CFAP77: variants seen among roughly 807,000 people sequenced by gnomAD.
The protein encoded by CFAP77 is cilia and flagella associated protein 77.
In CFAP77, 25 loss-of-function variants were observed where a neutral mutation model predicts 31.1. The observed-to-expected ratio is 0.80, with a 90% CI of 0.59 to 1.12. The LOEUF is 1.12. Among genes scored for constraint, CFAP77 ranks in the 50% most tolerant of loss-of-function variants. CFAP77 has a pLI of 0.00. For missense variants in CFAP77, 377 were observed against 397.3 expected (o/e 0.95, Z 0.44); for synonymous variants, 151 against 159.9 (o/e 0.94, Z 0.42).
At chr9:132,460,944 T>C (rs916538056) in intron 1 of CFAP77, among the ~76,000 whole-genome samples, 3 of 152,130 alleles carry the variant, frequency 2.0e-5, no homozygotes, top group Non-Finnish European at 4.4e-5. Flanking sequence ...CAGGCTGGCC[T>C]CAAACTCCTG....
intron 3 of CFAP77, among the ~76,000 whole-genome samples, chr9:132,500,033 G>A (rs1388225909): frequency 1.3e-5 from 2 of 151,900 alleles, no homozygotes; most frequent in Non-Finnish European, 2.9e-5. Context: ...CGTGCTTATA[G>A]TACCAGTTAC....
chr9:132,482,489 C>T (rs530950334), intron 1 of CFAP77: 18 of 1,166,964 alleles, frequency 1.5e-5, no homozygotes, highest in East Asian at 7.1e-5. Context: ...TCCCGGCTTC[C>T]GCACACCTAC....
At chr9:132,415,971 A>C (rs535154410) in intron 1 of CFAP77, among the ~76,000 whole-genome samples, 2 of 152,344 alleles carry the variant, frequency 1.3e-5, no homozygotes, top group East Asian at 3.9e-4. Flanking sequence ...GAGACCACCA[A>C]CATGTTAGCT....
At chr9:132,449,959 C>T (rs1197831896) in intron 1 of CFAP77, among the ~76,000 whole-genome samples, 1 of 152,140 alleles carries the variant, frequency 6.6e-6, no homozygotes, top group Non-Finnish European at 1.5e-5. Context: ...GTCGCCCAGG[C>T]TGGAGTGCAG....
chr9:132,431,605 G>A (rs575835572), intron 1 of CFAP77, among the ~76,000 whole-genome samples: 11 of 152,094 alleles, frequency 7.2e-5, no homozygotes, highest in Non-Finnish European at 1.6e-4. Context: ...TAATGAGCCC[G>A]ACAGCAGAAT....
At chr9:132,434,622 A>G (rs1324213732) in intron 1 of CFAP77, among the ~76,000 whole-genome samples, 1 of 152,190 alleles carries the variant, frequency 6.6e-6, no homozygotes, top group Non-Finnish European at 1.5e-5. Flanking sequence ...CTATGAATCT[A>G]CAATTTGGTT....
chr9:132,499,450 G>A lies in CFAP77; in HGVS notation c.374G>A (p.Arg125His), dbSNP rs750770954. ...ELTRNYIAMN[R>H]GAVKAGLVTA... The stretch of plus-strand genomic sequence containing the variant: ...ACCCGGAATTATATCGCAATGAACC[G>A]CGGGGCGGTGAAAGCCGGCCTGGTG... Residue 125 changes from arginine (R) to histidine (H), a missense_variant, in exon 3 of 6, where the codon CGC becomes CAC. Coordinates refer to ENST00000393216, the MANE Select transcript of CFAP77 (RefSeq NM_001282957.2). This position sits in a 1 kb window ranked among gnomAD's most constrained non-coding sequence, Gnocchi z 5.4. 2.5e-5 allele frequency: 40 copies of A among 1,614,064 alleles called. No individual in the cohort carries two copies. The highest frequency in any genetic ancestry group is 1.6e-4 in the Middle Eastern group (1 of 6,084).
At chr9:132,493,204 G>T (rs1410261641) in intron 1 of CFAP77, among the ~76,000 whole-genome samples, 1 of 152,130 alleles carries the variant, frequency 6.6e-6, no homozygotes, top group Non-Finnish European at 1.5e-5. Flanking sequence ...GGATGATGGG[G>T]CTTTTCTGAG....
In CFAP77 at chr9:132,521,774, T is replaced by TG. The variant is rs1281912935; in HGVS notation, c.525-15827_525-15826insG. 1.3e-3 allele frequency among the ~76,000 whole-genome samples: 156 copies of TG among 124,254 alleles called. 3 individuals carry two copies. Among genetic ancestry groups the TG allele is most frequent in the African/African-American group, 4.2e-3 (132 of 31,268 alleles). 81.5% of individuals were successfully genotyped at this position (124,254 alleles called of 152,430 possible). On this transcript the variant is annotated intron_variant, in intron 3 of 5. Transcript: ENST00000393216. ...AGAAATAGACTTGCTTTTTTTTTTT[T>TG]TTTTTTTTTTGAGATGAAGTCTCAC...
At position 132,435,020 on chromosome 9, in the gene CFAP77, G is replaced by A. The variant is rs145285819; in HGVS notation, c.195+24554G>A. Among the ~76,000 whole-genome samples the A allele has an allele frequency of 2.1e-4, 32 of 152,324 alleles. No individual in the cohort carries two copies. The East Asian group carries it at 2.3e-3, about 11-fold the overall frequency. Reference sequence around the variant, plus strand: ...CGCTTGAATTATACTTGAATGCTTAGAGAAAGACCATTGTTCAAAGACGCT... The same window carrying A: ...CGCTTGAATTATACTTGAATGCTTAAAGAAAGACCATTGTTCAAAGACGCT... On this transcript the variant is annotated intron_variant, in intron 1 of 5. Coordinates refer to ENST00000393216, the MANE Select transcript of CFAP77 (RefSeq NM_001282957.2).
In CFAP77 at chr9:132,540,927, C is replaced by T. The variant is rs145007823; in HGVS notation, c.631-2019C>T. ...AGGTATTGTGAACCCCATCACTTAG[C>T]GCATAGCAGGCACTCAGAAAACACT... On this transcript the variant is annotated intron_variant, in intron 4 of 5. Coordinates refer to ENST00000393216, the MANE Select transcript of CFAP77 (RefSeq NM_001282957.2). Among the ~76,000 whole-genome samples the T allele has an allele frequency of 4.6e-3, 693 of 152,226 alleles. 2 individuals carry two copies. Among genetic ancestry groups the T allele is most frequent in the Admixed American group, 9.3e-3 (142 of 15,276 alleles).
At chr9:132,432,704 A>AT (rs1850431960) in intron 1 of CFAP77, among the ~76,000 whole-genome samples, 1 of 130,466 alleles carries the variant, frequency 7.7e-6, no homozygotes, top group Admixed American at 7.6e-5. Flanking sequence ...GCTAATTTTC[A>AT]TTTTTTGTTT....
At chr9:132,485,985 CATATATATATATATATATATATATATAT>C (rs61265124) in intron 1 of CFAP77, among the ~76,000 whole-genome samples, 1,810 of 53,524 alleles carry the variant, frequency 0.034, 114 homozygotes, top group South Asian at 0.086. Flanking sequence ...ACACACACCT[CATATATATATATATATATATATATATAT>C]ATATATATAT....
At chr9:132,530,136 CTTTTT>C (rs750962954) in intron 3 of CFAP77, among the ~76,000 whole-genome samples, 3 of 93,268 alleles carry the variant, frequency 3.2e-5, no homozygotes, top group African/African-American at 1.3e-4. Flanking sequence ...TCTTTCTTTT[CTTTTT>C]TTTTTTTTTT....
intron 3 of CFAP77, among the ~76,000 whole-genome samples, chr9:132,532,336 C>T (rs1852467193): frequency 6.6e-6 from 1 of 152,168 alleles, no homozygotes; most frequent in African/African-American, 2.4e-5. Flanking sequence ...GTCTCTGGGC[C>T]ATAAGCTGAA....
At chr9:132,561,888 C>T (rs1295594011) in intron 5 of CFAP77, among the ~76,000 whole-genome samples, 1 of 152,076 alleles carries the variant, frequency 6.6e-6, no homozygotes, top group Non-Finnish European at 1.5e-5. Flanking sequence ...CGCTTTTCAG[C>T]TTGTGGACCA....
chr9:132,485,173 G>A (rs868149324), intron 1 of CFAP77, among the ~76,000 whole-genome samples: 9 of 152,164 alleles, frequency 5.9e-5, no homozygotes, highest in Non-Finnish European at 8.8e-5. Context: ...AAATGGAGAC[G>A]GAGCTGCTGA....
At chr9:132,428,724 C>T (rs9697255) in intron 1 of CFAP77, among the ~76,000 whole-genome samples, 4,055 of 152,226 alleles carry the variant, frequency 0.027, 188 homozygotes, top group African/African-American at 0.092. Context: ...AGGTAGGGGC[C>T]ATTCTCTTGC....
chr9:132,485,666 A>G lies in CFAP77; in HGVS notation c.196-13029A>G, dbSNP rs1466742458. On this transcript the variant is annotated intron_variant, in intron 1 of 5. Transcript: ENST00000393216. ...TGAAACCCCACACAGTGGATAACCC[A>G]CCAAACAGACAAGTGACACTTGACT... is the stretch of plus-strand genomic sequence containing the variant. 4.6e-5 allele frequency among the ~76,000 whole-genome samples: 7 copies of G among 152,066 alleles called. No individual in the cohort carries two copies. The South Asian group carries it at 1.2e-3, about 27-fold the overall frequency.
Sources: allele counts gnomAD v4.1 joint callset (sites outside exome capture counted in the v4.1 genomes callset), GRCh38; gene constraint gnomAD v4.1.1; non-coding constraint Gnocchi (gnomAD v3.1); transcripts MANE v1.5; gene names NCBI Gene and HGNC (gene_info 2026-07-23, HGNC 2026-07-21).